ATG14: variants seen among roughly 807,000 people sequenced by gnomAD.
The protein encoded by ATG14 is autophagy related 14.
ATG14 carries 35 observed loss-of-function variants against 60.4 expected under a neutral mutation model. That is an observed-to-expected ratio of 0.58 (90% CI 0.44 to 0.77). The LOEUF (loss-of-function observed/expected upper bound fraction) is 0.77, where lower values mean the gene tolerates loss of function less well. ATG14 is among the 30% of genes least tolerant of loss of function. The pLI, the probability that ATG14 is intolerant of heterozygous loss-of-function variation, is 0.00. For synonymous variants in ATG14, 234 were observed against 228.8 expected (o/e 1.02, Z -0.21); for missense variants, 647 against 626.3 (o/e 1.03, Z -0.35).
At chr14:55,393,109 C>G (rs147773101) in intron 3 of ATG14, among the ~76,000 whole-genome samples, 1 of 152,132 alleles carries the variant, frequency 6.6e-6, no homozygotes, top group Non-Finnish European at 1.5e-5. Flanking sequence ...TGACTGGGCG[C>G]GGTGGCTCAC....
Position 55,377,903 on chromosome 14 carries a change from T to C in ATG14, c.1088A>G (p.His363Arg). Residue 363 changes from histidine to arginine, a missense_variant and splice_region_variant, in exon 9 of 10, where the codon CAT becomes CGT. Physicochemically the swap from His to Arg is conservative, Grantham distance 29. Transcript: ENST00000247178. ...ANILYLCFSQ[H>R]VNLDQLQPLH... ...TGGTTGTAATTGATCTAAATTTACA[T>C]GCTAAAAAAAATTAAAGAATTGGTT... 3.1e-6 allele frequency: 5 copies of C among 1,602,384 alleles called. No homozygotes were observed. Among genetic ancestry groups the C allele is most frequent in the Non-Finnish European group, 4.3e-6 (5 of 1,175,784 alleles).
chr14:55,378,131 A>C (rs1309396284), intron 7 of ATG14, 57 bp from the exon 8 acceptor site: 32 of 1,477,196 alleles, frequency 2.2e-5, no homozygotes, highest in Middle Eastern at 1.9e-4. Context: ...TTCTATGTTA[A>C]AATTTCCATT....
At chr14:55,400,261 T>C (rs1387203512) in intron 1 of ATG14, among the ~76,000 whole-genome samples, 1 of 152,046 alleles carries the variant, frequency 6.6e-6, no homozygotes, top group Admixed American at 6.5e-5. Flanking sequence ...TTCCAAGAGG[T>C]GAAAAATAGA....
chr14:55,390,192 T>A (rs893160409), intron 4 of ATG14, among the ~76,000 whole-genome samples: 9 of 152,090 alleles, frequency 5.9e-5, no homozygotes, highest in Non-Finnish European at 1.3e-4. Flanking sequence ...TGCCTCAGCC[T>A]CCTGAGTAGC....
chr14:55,408,018 A>C (rs1310822826), intron 1 of ATG14, among the ~76,000 whole-genome samples: 2 of 152,224 alleles, frequency 1.3e-5, no homozygotes, highest in Non-Finnish European at 2.9e-5. Flanking sequence ...GAGGGAGCAC[A>C]AGGATGAACT....
chr14:55,411,520 G>A, intron 1 of ATG14, 82 bp downstream of exon 1: 4 of 1,362,572 alleles, frequency 2.9e-6, no homozygotes, highest in Non-Finnish European at 4.0e-6. Context: ...GCCCGGACGG[G>A]GAGCCCCAGG....
At chr14:55,392,115 G>C (rs915204213) in intron 3 of ATG14, among the ~76,000 whole-genome samples, 1 of 152,182 alleles carries the variant, frequency 6.6e-6, no homozygotes, top group African/African-American at 2.4e-5. Context: ...TCAGGCTTTA[G>C]AGTCTCATAG....
In ATG14 at chr14:55,369,961, A is replaced by T. The variant is rs369167678; in HGVS notation, c.1173-36T>A. The T allele has an allele frequency of 2.2e-4, 334 of 1,530,432 alleles. 2 individuals carry two copies. In the South Asian group the frequency reaches 2.4e-3, roughly 11 times the overall value. The allele number at this position is 1,530,432 out of a possible 1,614,324, so 94.8% of individuals were successfully genotyped here. On this transcript the variant is annotated intron_variant, in intron 9 of 9. Coordinates refer to ENST00000247178, the MANE Select transcript of ATG14 (RefSeq NM_014924.5). The stretch of plus-strand genomic sequence containing the variant: ...ACAATGAGGGTCTCTTTAGGATAAC[A>T]ACCATTCTCAACACCAGAAAATATG...
At chr14:55,400,711 A>T (rs1885383380) in intron 1 of ATG14, among the ~76,000 whole-genome samples, 1 of 152,046 alleles carries the variant, frequency 6.6e-6, no homozygotes, top group Non-Finnish European at 1.5e-5. Context: ...GAGACCAGCC[A>T]GGCCAACATG....
At chr14:55,375,490 A>AATTTTTTTTTTTTTTTT (rs1555341540) in intron 9 of ATG14, among the ~76,000 whole-genome samples, 5 of 117,798 alleles carry the variant, frequency 4.2e-5, no homozygotes, top group Non-Finnish European at 3.4e-5. Context: ...GCCGGGCTAA[A>AATTTTTTTTTTTTTTTT]TTTTTTTTTT....
chr14:55,370,789 T>G (rs1594774853), intron 9 of ATG14, among the ~76,000 whole-genome samples: 1 of 152,046 alleles, frequency 6.6e-6, no homozygotes, highest in Admixed American at 6.5e-5. Context: ...TACAGGCACC[T>G]GCCACCATGC....
intron 4 of ATG14, among the ~76,000 whole-genome samples, chr14:55,387,943 T>C (rs1289289572): frequency 3.3e-5 from 5 of 152,170 alleles, no homozygotes; most frequent in Non-Finnish European, 5.9e-5. Context: ...ATTATAGGCA[T>C]GAGCCACTGC....
intron 7 of ATG14, 23 bp from the exon 8 acceptor site, chr14:55,378,097 A>T (rs1229434152): frequency 2.5e-6 from 4 of 1,598,152 alleles, no homozygotes; most frequent in Non-Finnish European, 3.4e-6. Context: ...CATACAATTT[A>T]TAAAGTTGCA....
chr14:55,385,864 A>G lies in ATG14; in HGVS notation c.642T>C (p.Gly214=). The G allele has an allele frequency of 6.2e-7, 1 of 1,609,574 alleles. No individual in the cohort carries two copies. The highest frequency in any genetic ancestry group is 8.5e-7 in the Non-Finnish European group (1 of 1,177,386). ...AAAAGACTTGCTTAATGTACCTCAC[A>G]CCCGTCTTTACTTCCTCGATTGGAA... ...VIFPIEEVKT[G]VRDPADVSSE... is the part of the protein sequence containing the mutation. Residue 214 remains glycine (G), a synonymous_variant, in exon 5 of 10, where the codon GGT becomes GGC. Transcript: ENST00000247178.
At position 55,368,262 on chromosome 14, in the gene ATG14, C is replaced by T. The variant is rs1359382036; in HGVS notation, c.*1357G>A. On this transcript the variant is annotated 3_prime_UTR_variant, in exon 10 of 10. Coordinates refer to ENST00000247178, the MANE Select transcript of ATG14 (RefSeq NM_014924.5). The stretch of plus-strand genomic sequence containing the variant: ...TGAGACGGAGTTTCGCTCTTGTTGC[C>T]CAGGCTGGAGTGCAATGGCACAATC... 1 of 152,582 alleles carries T rather than the reference C, an allele frequency of 6.6e-6. No individual in the cohort carries two copies. The highest frequency in any genetic ancestry group is 1.9e-4 in the East Asian group (1 of 5,196). 9.5% of individuals were successfully genotyped at this position (152,582 alleles called of 1,614,324 possible). A position where few individuals can be genotyped will look rare whatever the true frequency, so the allele number is the denominator to read the frequency against.
At chr14:55,404,388 C>T (rs1419181860) in intron 1 of ATG14, among the ~76,000 whole-genome samples, 1 of 152,202 alleles carries the variant, frequency 6.6e-6, no homozygotes, top group Non-Finnish European at 1.5e-5. Context: ...TTACACTGCC[C>T]TCTGGGATGT....
Position 55,367,449 on chromosome 14 carries a change from G to C in ATG14, c.*2170C>G, listed in dbSNP as rs1884705534. On this transcript the variant is annotated 3_prime_UTR_variant, in exon 10 of 10. Coordinates refer to ENST00000247178, the MANE Select transcript of ATG14 (RefSeq NM_014924.5). ...AAACAGAGATCCCAGCAGTGTAGAA[G>C]AACCCATAAGGGGCCGGGCGCGGTG... 1 of 152,184 alleles carries C rather than the reference G, an allele frequency of 6.6e-6. No homozygotes were observed. The highest frequency in any genetic ancestry group is 1.5e-5 in the Non-Finnish European group (1 of 68,052). 9.4% of individuals were successfully genotyped at this position (152,184 alleles called of 1,614,324 possible). A position where few individuals can be genotyped will look rare whatever the true frequency, so the allele number is the denominator to read the frequency against.
At chr14:55,396,053 T>C (rs1453018363) in intron 2 of ATG14, 71 bp from the exon 3 acceptor site, 1 of 1,186,160 alleles carries the variant, frequency 8.4e-7, no homozygotes, top group Non-Finnish European at 1.2e-6. Context: ...AAATGTAAAA[T>C]CAAACACTTA....
At chr14:55,388,766 T>C (rs1885165908) in intron 4 of ATG14, among the ~76,000 whole-genome samples, 1 of 152,132 alleles carries the variant, frequency 6.6e-6, no homozygotes, top group Non-Finnish European at 1.5e-5. Context: ...CTAAGTCTGG[T>C]CTAGAGGGTG....
Sources: allele counts gnomAD v4.1 joint callset (sites outside exome capture counted in the v4.1 genomes callset), GRCh38; gene constraint gnomAD v4.1.1; transcripts MANE v1.5; gene names NCBI Gene and HGNC (gene_info 2026-07-23, HGNC 2026-07-21).